SGSM3: variants seen among roughly 807,000 people sequenced by gnomAD.
SGSM3 encodes the protein small G protein signaling modulator 3.
SGSM3 carries 96 observed loss-of-function variants against 100.5 expected under a neutral mutation model. That is an observed-to-expected ratio of 0.96 (90% CI 0.81 to 1.13). The LOEUF is 1.13. SGSM3 is among the 50% of genes most tolerant of loss of function. The pLI, the probability that SGSM3 is intolerant of heterozygous loss-of-function variation, is 0.00. For synonymous variants in SGSM3, 483 were observed against 422.8 expected (o/e 1.14, Z -1.75); for missense variants, 1,001 against 1,015.8 (o/e 0.99, Z 0.20).
At position 40,409,342 on chromosome 22, in the gene SGSM3, C is replaced by T. The variant is rs1333216684; in HGVS notation, c.2081C>T (p.Pro694Leu). The change falls in exon 20 of 22, where the codon CCG becomes CTG. Residue 694 changes from proline (P) to leucine (L), a missense_variant. Transcript: ENST00000248929. The stretch of plus-strand genomic sequence containing the variant: ...CAGCCCTGGTCCTTCCTGCGCAGCC[C>T]GGGCTGGGTCCAGATCAAGTGTGAG... ...WYQPWSFLRS[P>L]GWVQIKCELR... 19 of 1,611,328 alleles carry T rather than the reference C, an allele frequency of 1.2e-5. No homozygotes were observed. The highest frequency in any genetic ancestry group is 1.5e-5 in the Non-Finnish European group (18 of 1,178,736).
intron 1 of SGSM3, chr22:40,387,510 TA>T: frequency 3.5e-6 from 1 of 284,556 alleles, no homozygotes; most frequent in Non-Finnish European, 6.5e-6. Context: ...TATGTTAATA[TA>T]AAACTTTCAA....
In SGSM3 at chr22:40,401,660, G is replaced by C; in HGVS notation, c.75G>C (p.Leu25Phe). Residue 25 changes from leucine to phenylalanine, a missense_variant, in exon 3 of 22, where the codon TTG becomes TTC. Physicochemically the swap from Leu to Phe is conservative, Grantham distance 22. Transcript: ENST00000248929. ...LTPSIWPQEI[L>F]AKYTQKEESA... The stretch of plus-strand genomic sequence containing the variant: ...CGAGCATATGGCCCCAGGAGATCTT[G>C]GCCAAGTACACGCAGGTATAGCAGT... 1 of 1,613,096 alleles carries C rather than the reference G, an allele frequency of 6.2e-7. No individual in the cohort carries two copies. Among genetic ancestry groups the C allele is most frequent in the Non-Finnish European group, 8.5e-7 (1 of 1,179,392 alleles).
Position 40,406,222 on chromosome 22 carries a change from A to C in SGSM3, c.959A>C (p.Lys320Thr). ...FQLTLGMLHL[K>T]EEELIQSENS... ...CTCACGCTGGGCATGCTGCACCTCA[A>C]GGTGCTCCACGGCCCCACTTCAGGC... The change falls in exon 9 of 22, where the codon AAG becomes ACG. Residue 320 changes from lysine (K) to threonine (T), a missense_variant and splice_region_variant. By Grantham distance (78) the Lys-to-Thr change is moderately conservative. Coordinates refer to ENST00000248929, the MANE Select transcript of SGSM3 (RefSeq NM_015705.6). 1 of 1,613,848 alleles carries C rather than the reference A, an allele frequency of 6.2e-7. No individual in the cohort carries two copies. Among genetic ancestry groups the C allele is most frequent in the Non-Finnish European group, 8.5e-7 (1 of 1,180,004 alleles).
chr22:40,389,227 A>G (rs1363493686), intron 1 of SGSM3, among the ~76,000 whole-genome samples: 1 of 152,184 alleles, frequency 6.6e-6, no homozygotes, highest in East Asian at 1.9e-4. Context: ...CATGACACAT[A>G]GACACCCAGA....
At chr22:40,374,730 A>G (rs2046265030) in intron 1 of SGSM3, among the ~76,000 whole-genome samples, 1 of 152,182 alleles carries the variant, frequency 6.6e-6, no homozygotes, top group African/African-American at 2.4e-5. Flanking sequence ...AAAAACATAA[A>G]ATTGCCAGTC....
chr22:40,388,872 C>T (rs1477249865), intron 1 of SGSM3, among the ~76,000 whole-genome samples: 1 of 151,962 alleles, frequency 6.6e-6, no homozygotes, highest in African/African-American at 2.4e-5. Flanking sequence ...GTAGGTAGGT[C>T]GTAATGGCAA....
chr22:40,401,628 C>A lies in SGSM3; in HGVS notation c.43C>A (p.Leu15Met), dbSNP rs2146957932. The A allele has an allele frequency of 6.2e-7, 1 of 1,613,486 alleles. No individual in the cohort carries two copies. The highest frequency in any genetic ancestry group is 2.2e-5 in the East Asian group (1 of 44,850). ...HTPACGPFSA[L>M]TPSIWPQEIL... ...ACCTGCCTGTGGCCCTTTCTCAGCCCTGACTCCGAGCATATGGCCCCAGGA... is the reference window on the plus strand; with the variant it reads ...ACCTGCCTGTGGCCCTTTCTCAGCCATGACTCCGAGCATATGGCCCCAGGA... The change falls in exon 3 of 22, where the codon CTG (leucine) becomes ATG (methionine). Residue 15 changes from leucine to methionine, a missense_variant. Transcript: ENST00000248929.
chr22:40,406,648 A>G lies in SGSM3; in HGVS notation c.1171A>G (p.Thr391Ala). 6.2e-7 allele frequency: 1 copy of G among 1,607,448 alleles called. No homozygotes were observed. Among genetic ancestry groups the G allele is most frequent in the Non-Finnish European group, 8.5e-7 (1 of 1,175,890 alleles). Reference protein sequence around the residue: ...QGQLLGAGTLTNLSQVVRRRT... With the variant: ...QGQLLGAGTLANLSQVVRRRT... ...CCAGCTCCTGGGGGCCGGCACCCTC[A>G]CCAACCTCTCTCAGGTGGCCCAGGA... The change falls in exon 10 of 22, where the codon ACC (threonine) becomes GCC (alanine). Residue 391 changes from threonine to alanine, a missense_variant. Thr to Ala is a moderately conservative substitution (Grantham distance 58). Transcript: ENST00000248929.
intron 2 of SGSM3, 105 bp downstream of exon 2, chr22:40,400,918 A>G (rs2050666397): frequency 1.8e-6 from 2 of 1,135,888 alleles, no homozygotes; most frequent in Admixed American, 6.4e-5. Context: ...CAGATAAGAG[A>G]GGTGGAGATG....
chr22:40,400,858 C>T lies in SGSM3; in HGVS notation c.7+45C>T, dbSNP rs771607549. On this transcript the variant is annotated intron_variant, in intron 2 of 21. Coordinates refer to ENST00000248929, the MANE Select transcript of SGSM3 (RefSeq NM_015705.6). ...TTGGAAACGGGGTTTGAAGCTCTCA[C>T]AGAGGAGCCAGAGGGATGGAAGGTG... The T allele has an allele frequency of 5.3e-6, 8 of 1,496,918 alleles. No homozygotes were observed. The East Asian group carries it at 1.8e-4, about 33-fold the overall frequency. The allele number at this position is 1,496,918 out of a possible 1,614,324, so 92.7% of individuals were successfully genotyped here.
Position 40,409,956 on chromosome 22 carries a change from G to A in SGSM3, c.*197G>A, listed in dbSNP as rs1602173389. ...TACCCTGCCCCACCAGGGTCCTTAG[G>A]GATGCTCTAGGCCAAACCACAGTTT... On this transcript the variant is annotated 3_prime_UTR_variant, in exon 22 of 22. Coordinates refer to ENST00000248929, the MANE Select transcript of SGSM3 (RefSeq NM_015705.6). 1 of 1,395,514 alleles carries A rather than the reference G, an allele frequency of 7.2e-7. No homozygotes were observed. Among genetic ancestry groups the A allele is most frequent in the East Asian group, 2.7e-5 (1 of 36,750 alleles). The allele number at this position is 1,395,514 out of a possible 1,614,324, so 86.4% of individuals were successfully genotyped here.
intron 19 of SGSM3, 96 bp downstream of exon 19, chr22:40,409,114 A>G (rs113408562): frequency 6.4e-7 from 1 of 1,553,618 alleles, no homozygotes; most frequent in Non-Finnish European, 8.7e-7. Flanking sequence ...AAGGACAAAG[A>G]ACCTCAGGGG....
rs929695342 is a variant in SGSM3, at chr22:40,407,301, G to A, written c.1341G>A (p.Gln447=). ...EAILRVARHF[Q]CTDPKNCSVE... Reference sequence around the variant, plus strand: ...TCCTGCGCGTGGCACGCCACTTCCAGTGCACAGACCCCAAAAACTGCAGCG... The same window carrying A: ...TCCTGCGCGTGGCACGCCACTTCCAATGCACAGACCCCAAAAACTGCAGCG... Residue 447 remains glutamine, a synonymous_variant, in exon 12 of 22, where the codon CAG becomes CAA. Coordinates refer to ENST00000248929, the MANE Select transcript of SGSM3 (RefSeq NM_015705.6). This position sits in a 1 kb window ranked among gnomAD's most constrained non-coding sequence, Gnocchi z 4.7. 1 of 1,613,606 alleles carries A rather than the reference G, an allele frequency of 6.2e-7. No homozygotes were observed. The highest frequency in any genetic ancestry group is 1.3e-5 in the African/African-American group (1 of 75,068).
chr22:40,392,075 A>C (rs2049418020), intron 1 of SGSM3, among the ~76,000 whole-genome samples: 1 of 152,140 alleles, frequency 6.6e-6, no homozygotes, highest in Non-Finnish European at 1.5e-5. Flanking sequence ...TTGCTTTTGG[A>C]AAAGTATTTT....
At chr22:40,402,252 G>A (rs369041377) in intron 4 of SGSM3, 47 bp downstream of exon 4, 1 of 1,416,074 alleles carries the variant, frequency 7.1e-7, no homozygotes, top group Middle Eastern at 1.8e-4. Context: ...TGTTCTTTGG[G>A]GAGGACTCCG....
intron 1 of SGSM3, among the ~76,000 whole-genome samples, chr22:40,377,564 C>A (rs893475584): frequency 1.2e-4 from 19 of 152,056 alleles, no homozygotes; most frequent in African/African-American, 4.6e-4. Context: ...GGCCTGGTGT[C>A]GTGGCTCACG....
At chr22:40,391,922 C>T (rs1361910654) in intron 1 of SGSM3, among the ~76,000 whole-genome samples, 1 of 152,110 alleles carries the variant, frequency 6.6e-6, no homozygotes, top group Non-Finnish European at 1.5e-5. Context: ...TGGGCTGTGG[C>T]GAAAACTCAG....
chr22:40,407,806 C>G lies in SGSM3; in HGVS notation c.1542C>G (p.Asp514Glu). ...NDIITIVSQKDEHCWVGELNG... is the reference protein window; with the variant it reads ...NDIITIVSQKEEHCWVGELNG... ...CTGTGCAGATCGTGTCTCAGAAGGA[C>G]GAGCACTGCTGGGTGGGGGAGCTCA... Residue 514 changes from aspartate to glutamate, a missense_variant, in exon 14 of 22, where the codon GAC (aspartate) becomes GAG (glutamate). Coordinates refer to ENST00000248929, the MANE Select transcript of SGSM3 (RefSeq NM_015705.6). This position sits in a 1 kb window ranked among gnomAD's most constrained non-coding sequence, Gnocchi z 4.7. 1 of 1,613,870 alleles carries G rather than the reference C, an allele frequency of 6.2e-7. No individual in the cohort carries two copies. The highest frequency in any genetic ancestry group is 8.5e-7 in the Non-Finnish European group (1 of 1,179,946).
At chr22:40,398,213 C>T (rs945512314) in intron 1 of SGSM3, among the ~76,000 whole-genome samples, 8 of 151,770 alleles carry the variant, frequency 5.3e-5, no homozygotes, top group Non-Finnish European at 8.8e-5. Context: ...GTGATCCACC[C>T]ACCTCGGCCT....
Sources: gnomAD v4.1 joint callset for allele counts (sites outside exome capture counted in the v4.1 genomes callset) on GRCh38, gnomAD v4.1.1 for gene constraint, Gnocchi (gnomAD v3.1) non-coding constraint, MANE v1.5 for transcripts, NCBI Gene and HGNC (gene_info 2026-07-23, HGNC 2026-07-21) for gene names.